Variants in SETBP1 observed in about 807,000 individuals in gnomAD.
SETBP1 encodes the protein SET binding protein 1.
SETBP1 carries 9 observed loss-of-function variants against 101.0 expected under a neutral mutation model. That is an observed-to-expected ratio of 0.09 (90% CI 0.05 to 0.16). SETBP1 has a LOEUF of 0.16. Among genes scored for constraint, SETBP1 ranks in the 10% least tolerant of loss-of-function variants. The pLI is 1.00. For missense variants in SETBP1, 1,858 were observed against 2,033.8 expected, an observed-to-expected ratio of 0.91 and a Z score of 1.66; for synonymous variants, 818 against 788.5, an observed-to-expected ratio of 1.04 and a Z score of -0.63.
At chr18:44,886,693 T>G (rs536672631) in intron 3 of SETBP1, among the ~76,000 whole-genome samples, 24 of 151,628 alleles carry the variant, frequency 1.6e-4, no homozygotes, top group Non-Finnish European at 2.9e-4. Context: ...AAAACTCACC[T>G]TTGGGATTTT....
chr18:44,714,818 C>G (rs2069427274), intron 2 of SETBP1, among the ~76,000 whole-genome samples: 1 of 152,086 alleles, frequency 6.6e-6, no homozygotes, highest in Non-Finnish European at 1.5e-5. Flanking sequence ...TAATAAGTAA[C>G]TGTCAAAATA....
chr18:44,806,988 T>A (rs927362161), intron 2 of SETBP1, among the ~76,000 whole-genome samples: 2 of 152,062 alleles, frequency 1.3e-5, no homozygotes, highest in African/African-American at 4.8e-5. Flanking sequence ...AGGATTCCAT[T>A]ATTGTTCTCA....
At chr18:44,939,994 A>G (rs562545545) in intron 3 of SETBP1, among the ~76,000 whole-genome samples, 1 of 152,350 alleles carries the variant, frequency 6.6e-6, no homozygotes, top group African/African-American at 2.4e-5. Flanking sequence ...GAGGAGTGTT[A>G]AAATACCTTT....
In SETBP1 at chr18:44,905,484, T is replaced by A. The variant is rs62092684; in HGVS notation, c.540+36201T>A. ...ACATCTTAGATACTCAGTAACTATGTCTGGATGGAATTAATTAGTAAATTA... is the reference window on the plus strand; with the variant it reads ...ACATCTTAGATACTCAGTAACTATGACTGGATGGAATTAATTAGTAAATTA... On this transcript the variant is annotated intron_variant, in intron 3 of 5. Transcript: ENST00000649279. 4.3e-3 allele frequency among the ~76,000 whole-genome samples: 657 copies of A among 152,334 alleles called. 4 individuals are homozygous for A. The highest frequency in any genetic ancestry group is 7.3e-3 in the Non-Finnish European group (495 of 68,022).
chr18:45,028,718 T>C (rs1370496222), intron 4 of SETBP1, among the ~76,000 whole-genome samples: 1 of 152,202 alleles, frequency 6.6e-6, no homozygotes, highest in Non-Finnish European at 1.5e-5. Flanking sequence ...TGTTGTGAGA[T>C]GGTATCTCAT....
Position 44,950,349 on chromosome 18 carries a change from T to G in SETBP1, c.1009T>G (p.Ser337Ala), listed in dbSNP as rs771470475. The G allele has an allele frequency of 6.2e-7, 1 of 1,613,548 alleles. No homozygotes were observed. The highest frequency in any genetic ancestry group is 1.1e-5 in the South Asian group (1 of 91,062). The change falls in exon 4 of 6, where the codon TCC becomes GCC. Residue 337 changes from serine to alanine, a missense_variant. Transcript: ENST00000649279. ...ACCTACGGTGGGCAGCAAGAAAAAG[T>G]CCAGTAAAAAAGATGTGATAAGTCA... ...EPPTVGSKKK[S>A]SKKDVISQTI...
chr18:44,820,921 T>C (rs559260237), intron 2 of SETBP1, among the ~76,000 whole-genome samples: 2 of 152,354 alleles, frequency 1.3e-5, no homozygotes, highest in South Asian at 4.1e-4. Flanking sequence ...GATAGAAATG[T>C]ATACTTGGTA....
At chr18:44,750,908 T>C (rs1207826840) in intron 2 of SETBP1, among the ~76,000 whole-genome samples, 1 of 152,180 alleles carries the variant, frequency 6.6e-6, no homozygotes, top group Non-Finnish European at 1.5e-5. Context: ...TGTGGGCCAG[T>C]TGAGTAGGAC....
chr18:44,723,702 A>G (rs2069650094), intron 2 of SETBP1, among the ~76,000 whole-genome samples: 1 of 152,168 alleles, frequency 6.6e-6, no homozygotes. Flanking sequence ...GGATAATCAG[A>G]TAAAGGGGCC....
At chr18:44,780,095 C>T (rs1039478763) in intron 2 of SETBP1, among the ~76,000 whole-genome samples, 1 of 152,146 alleles carries the variant, frequency 6.6e-6, no homozygotes, top group Non-Finnish European at 1.5e-5. Flanking sequence ...ACGACCTGTA[C>T]CCAACTGTGC....
At chr18:44,918,807 T>C (rs893279307) in intron 3 of SETBP1, among the ~76,000 whole-genome samples, 1 of 152,232 alleles carries the variant, frequency 6.6e-6, no homozygotes, top group African/African-American at 2.4e-5. Flanking sequence ...ACTTTAAATC[T>C]GAGGTGATGA....
intron 3 of SETBP1, among the ~76,000 whole-genome samples, chr18:44,938,592 G>A (rs1308823219): frequency 1.3e-5 from 2 of 152,220 alleles, no homozygotes; most frequent in African/African-American, 4.8e-5. Flanking sequence ...GATTTACAGA[G>A]GAGGCGGGGC....
chr18:44,923,571 T>C (rs2070629788), intron 3 of SETBP1, among the ~76,000 whole-genome samples: 1 of 152,232 alleles, frequency 6.6e-6, no homozygotes, highest in African/African-American at 2.4e-5. Flanking sequence ...GCCAAGAGTA[T>C]GCATTTATGA....
intron 2 of SETBP1, among the ~76,000 whole-genome samples, chr18:44,710,316 T>G (rs2069310117): frequency 6.6e-6 from 1 of 152,168 alleles, no homozygotes; most frequent in South Asian, 2.1e-4. Flanking sequence ...AGAAAGTTAC[T>G]GGGAACCGCT....
intron 4 of SETBP1, among the ~76,000 whole-genome samples, chr18:45,017,163 C>G (rs895489988): frequency 1.3e-5 from 2 of 152,100 alleles, no homozygotes; most frequent in African/African-American, 4.8e-5. Context: ...AACCACACAG[C>G]CAGTGCTCCA....
intron 4 of SETBP1, among the ~76,000 whole-genome samples, chr18:45,002,889 C>G (rs2072646297): frequency 6.6e-6 from 1 of 152,186 alleles, no homozygotes; most frequent in South Asian, 2.1e-4. Flanking sequence ...AGTGGGTCTT[C>G]TTAACTACTC....
At position 44,951,061 on chromosome 18, in the gene SETBP1, C is replaced by T. The variant is rs778885474; in HGVS notation, c.1721C>T (p.Thr574Ile). Residue 574 changes from threonine (T) to isoleucine (I), a missense_variant, in exon 4 of 6, where the codon ACA (threonine) becomes ATA (isoleucine). Physicochemically the swap from Thr to Ile is moderately conservative, Grantham distance 89 (BLOSUM62 -1). Transcript: ENST00000649279. This position sits in a 1 kb window ranked among gnomAD's most constrained non-coding sequence, Gnocchi z 7.8. ...ITPSSPLYTN[T>I]DSLTVITPVK... ...CCATCCAGCCCTCTCTACACCAACA[C>T]AGACAGTCTTACTGTGATCACTCCA... 6.2e-7 allele frequency: 1 copy of T among 1,614,164 alleles called. No homozygotes were observed.
intron 3 of SETBP1, among the ~76,000 whole-genome samples, chr18:44,913,180 C>T (rs1358038248): frequency 6.6e-6 from 1 of 152,208 alleles, no homozygotes; most frequent in African/African-American, 2.4e-5. Context: ...TGATGGGCTT[C>T]TACATCAATG....
intron 4 of SETBP1, 124 bp from the exon 5 acceptor site, chr18:45,038,361 T>A: frequency 1.1e-6 from 1 of 914,960 alleles, no homozygotes; most frequent in African/African-American, 1.6e-5. Context: ...AATTTCATTC[T>A]TGTTGTACCA....
Sources: allele counts gnomAD v4.1 joint callset (sites outside exome capture counted in the v4.1 genomes callset), GRCh38; gene constraint gnomAD v4.1.1; non-coding constraint Gnocchi (gnomAD v3.1); transcripts MANE v1.5; gene names NCBI Gene and HGNC (gene_info 2026-07-23, HGNC 2026-07-21).